PARD3B: variants seen among roughly 807,000 people sequenced by gnomAD.
The protein encoded by PARD3B is par-3 family cell polarity regulator beta, also known as partitioning defective 3 homolog B.
In PARD3B, 103 loss-of-function variants were observed where a neutral mutation model predicts 130.2. That is an observed-to-expected ratio of 0.79 (90% CI 0.67 to 0.93). The LOEUF is 0.93. PARD3B is among the 40% of genes least tolerant of loss of function. The pLI is 0.00. For synonymous variants in PARD3B, 583 were observed against 553.2 expected (o/e 1.05, Z -0.76); for missense variants, 1,609 against 1,499.2 (o/e 1.07, Z -1.21).
rs1221774724 is a variant in PARD3B at position 205,160,113 on chromosome 2, C to CTTT, written c.1620+1209_1620+1211dup. Among the ~76,000 whole-genome samples the CTTT allele has an allele frequency of 1.3e-5, 2 of 152,178 alleles. No homozygotes were observed. The highest frequency in any genetic ancestry group is 2.9e-5 in the Non-Finnish European group (2 of 68,038). ...TTCAGACTAGATGTGGAGATAATGC[C>CTTT]TTTTTCACTGGGAAATAAATGTACT... On this transcript the variant is annotated intron_variant, in intron 11 of 22. Coordinates refer to ENST00000406610, the MANE Select transcript of PARD3B (RefSeq NM_001302769.2). The surrounding 1 kb of genome is among the most constrained non-coding windows in gnomAD (Gnocchi z 4.0).
intron 18 of PARD3B, among the ~76,000 whole-genome samples, chr2:205,357,618 G>A (rs1010105381): frequency 6.6e-6 from 1 of 151,588 alleles, no homozygotes; most frequent in Admixed American, 6.6e-5. Flanking sequence ...TGGAACGAAA[G>A]TTTTAGCTCA....
At chr2:204,986,813 G>C (rs1030473352) in intron 3 of PARD3B, among the ~76,000 whole-genome samples, 2 of 152,086 alleles carry the variant, frequency 1.3e-5, no homozygotes, top group African/African-American at 2.4e-5. Context: ...CACCTTTTAC[G>C]TCCTGCCATA....
chr2:205,466,175 A>C (rs1012987518), intron 20 of PARD3B, among the ~76,000 whole-genome samples: 1 of 152,192 alleles, frequency 6.6e-6, no homozygotes, highest in African/African-American at 2.4e-5. Context: ...GTGCTTAGCA[A>C]GGGTTTAGAC....
At chr2:204,980,867 G>C (rs1177502798) in intron 3 of PARD3B, among the ~76,000 whole-genome samples, 4 of 152,164 alleles carry the variant, frequency 2.6e-5, no homozygotes, top group Admixed American at 2.6e-4. Context: ...GAACAGAAAA[G>C]GTCATTCGTG....
At chr2:204,925,347 T>A (rs1687520704) in intron 2 of PARD3B, among the ~76,000 whole-genome samples, 1 of 152,106 alleles carries the variant, frequency 6.6e-6, no homozygotes, top group Admixed American at 6.6e-5. Context: ...ATGCATTGTT[T>A]AACTTTGTAG....
chr2:205,274,695 A>G lies in PARD3B; in HGVS notation c.2186-25835A>G, dbSNP rs2040872202. Among the ~76,000 whole-genome samples the G allele has an allele frequency of 6.6e-6, 1 of 152,078 alleles. No individual in the cohort carries two copies. Among genetic ancestry groups the G allele is most frequent in the Admixed American group, 6.6e-5 (1 of 15,262 alleles). On this transcript the variant is annotated intron_variant, in intron 16 of 22. Transcript: ENST00000406610. This position sits in a 1 kb window ranked among gnomAD's most constrained non-coding sequence, Gnocchi z 4.2. ...CCTGAATATTTCTATCTGAATATTA[A>G]TTCTTCAGTTAGCACCAAATGCAGA...
intron 22 of PARD3B, among the ~76,000 whole-genome samples, chr2:205,605,587 G>A (rs747644644): frequency 2.0e-5 from 3 of 152,310 alleles, no homozygotes; most frequent in Middle Eastern, 6.8e-3. Flanking sequence ...ACCAGTGGAG[G>A]CTACCGAATA....
At chr2:204,908,532 ACTTTT>A (rs1437530944) in intron 2 of PARD3B, among the ~76,000 whole-genome samples, 2 of 152,200 alleles carry the variant, frequency 1.3e-5, no homozygotes, top group African/African-American at 4.8e-5. Flanking sequence ...TCACTACTAT[ACTTTT>A]CTTTGTATGA....
chr2:204,851,003 G>T (rs1289672175), intron 2 of PARD3B, among the ~76,000 whole-genome samples: 2 of 152,172 alleles, frequency 1.3e-5, no homozygotes, highest in East Asian at 3.8e-4. Context: ...TTTATAGATT[G>T]TACTTATATT....
At chr2:205,583,400 T>TGTGTGTGC (rs1192785640) in intron 22 of PARD3B, among the ~76,000 whole-genome samples, 23,108 of 133,744 alleles carry the variant, frequency 0.17, 2,047 homozygotes, top group Non-Finnish European at 0.23. Context: ...TGTGTGTGTG[T>TGTGTGTGC]GCGCGCGCAC....
chr2:205,275,481 G>A (rs1486050014), intron 16 of PARD3B, among the ~76,000 whole-genome samples: 2 of 152,026 alleles, frequency 1.3e-5, no homozygotes, highest in African/African-American at 4.8e-5. Context: ...AAAATCTGGG[G>A]TCTTTATTGT....
chr2:205,180,193 C>T (rs1324186603), intron 13 of PARD3B, among the ~76,000 whole-genome samples: 1 of 150,254 alleles, frequency 6.7e-6, no homozygotes, highest in East Asian at 1.9e-4. Context: ...ATCTGTGCTA[C>T]CATACTAGAT....
At chr2:204,963,994 A>C (rs993291841) in intron 2 of PARD3B, among the ~76,000 whole-genome samples, 1 of 152,188 alleles carries the variant, frequency 6.6e-6, no homozygotes, top group African/African-American at 2.4e-5. Context: ...GAAATTTATG[A>C]TGTTTTGATT....
intron 2 of PARD3B, among the ~76,000 whole-genome samples, chr2:204,936,994 G>T (rs1354834900): frequency 6.6e-6 from 1 of 152,212 alleles, no homozygotes; most frequent in Non-Finnish European, 1.5e-5. Context: ...AACAGTTAAA[G>T]GTATTGAGTA....
intron 18 of PARD3B, among the ~76,000 whole-genome samples, chr2:205,320,223 G>GGAAGGAAGGAAGGAAGGAAA (rs1487532883): frequency 7.4e-4 from 108 of 146,400 alleles, no homozygotes; most frequent in African/African-American, 2.6e-3. Context: ...GTGGGGGGGA[G>GGAAGGAAGGAAGGAAGGAAA]GAAGGAAGGA....
chr2:204,780,346 A>G (rs1205574358), intron 2 of PARD3B, among the ~76,000 whole-genome samples: 1 of 152,166 alleles, frequency 6.6e-6, no homozygotes, highest in Non-Finnish European at 1.5e-5. Flanking sequence ...ATCTAAAATT[A>G]TAGAATTTGG....
intron 2 of PARD3B, among the ~76,000 whole-genome samples, chr2:204,830,809 T>A: frequency 6.6e-6 from 1 of 152,178 alleles, no homozygotes; most frequent in Middle Eastern, 3.2e-3. Context: ...ACTCTGTAGT[T>A]AGAGAGAAGG....
intron 11 of PARD3B, among the ~76,000 whole-genome samples, chr2:205,167,303 C>T (rs550472960): frequency 1.2e-4 from 19 of 152,210 alleles, no homozygotes; most frequent in African/African-American, 3.6e-4. Context: ...GCATACATAA[C>T]GACCCCTCAC....
chr2:205,495,592 G>T (rs1162642052), intron 20 of PARD3B, among the ~76,000 whole-genome samples: 1 of 152,144 alleles, frequency 6.6e-6, no homozygotes, highest in Non-Finnish European at 1.5e-5. Context: ...ATTCCATGAA[G>T]CAAGGAATAT....
Sources: allele counts gnomAD v4.1 joint callset (sites outside exome capture counted in the v4.1 genomes callset), GRCh38; gene constraint gnomAD v4.1.1; non-coding constraint Gnocchi (gnomAD v3.1); transcripts MANE v1.5; gene names NCBI Gene and HGNC (gene_info 2026-07-23, HGNC 2026-07-21).